Variants in ABHD3 observed in about 807,000 individuals in gnomAD.
ABHD3 encodes the protein abhydrolase domain containing 3, phospholipase.
Under a neutral mutation model 48.8 loss-of-function variants are expected in ABHD3, and 46 were observed. That is an observed-to-expected ratio of 0.94 (90% CI 0.74 to 1.20). The LOEUF is 1.20. Among genes scored for constraint, ABHD3 ranks in the 50% most tolerant of loss-of-function variants. The pLI is 0.00. For synonymous variants in ABHD3, 192 were observed against 183.7 expected, an observed-to-expected ratio of 1.04 and a Z score of -0.36; for missense variants, 490 against 497.8, an observed-to-expected ratio of 0.98 and a Z score of 0.15.
intron 6 of ABHD3, among the ~76,000 whole-genome samples, chr18:21,658,516 C>G (rs2039407584): frequency 1.3e-5 from 2 of 152,112 alleles, no homozygotes; most frequent in Non-Finnish European, 2.9e-5. Context: ...CATTTTTAGT[C>G]TTTTAGAATA....
chr18:21,688,789 G>C (rs138398936), intron 3 of ABHD3, among the ~76,000 whole-genome samples: 2 of 152,244 alleles, frequency 1.3e-5, no homozygotes, highest in Non-Finnish European at 2.9e-5. Flanking sequence ...TCCAGCAAAA[G>C]GCAAGTGTGA....
intron 3 of ABHD3, among the ~76,000 whole-genome samples, chr18:21,689,394 CA>C (rs1434898090): frequency 1.3e-5 from 2 of 151,474 alleles, no homozygotes; most frequent in Non-Finnish European, 2.9e-5. Context: ...ACTAAAAATA[CA>C]AAAATTAGCC....
chr18:21,698,198 T>C (rs1173020866), intron 3 of ABHD3, among the ~76,000 whole-genome samples: 1 of 152,148 alleles, frequency 6.6e-6, no homozygotes, highest in Non-Finnish European at 1.5e-5. Flanking sequence ...TTTCTTTTTT[T>C]TTTTTGAGAT....
At chr18:21,660,347 T>C (rs992552102) in intron 5 of ABHD3, among the ~76,000 whole-genome samples, 3 of 151,918 alleles carry the variant, frequency 2.0e-5, no homozygotes, top group African/African-American at 4.8e-5. Context: ...TAGTCTAGAC[T>C]TTCTGAGTTG....
chr18:21,693,536 T>G (rs552320616), intron 3 of ABHD3, among the ~76,000 whole-genome samples: 29 of 152,286 alleles, frequency 1.9e-4, no homozygotes, highest in African/African-American at 6.7e-4. Flanking sequence ...GCATGCCAAC[T>G]CTGATAAAAA....
At position 21,677,632 on chromosome 18, in the gene ABHD3, T is replaced by C. The variant is rs1004158941; in HGVS notation, c.555+6288A>G. 3.3e-5 allele frequency among the ~76,000 whole-genome samples: 5 copies of C among 152,296 alleles called. No homozygotes were observed. In the East Asian group the frequency reaches 9.7e-4, roughly 29 times the overall value. On this transcript the variant is annotated intron_variant, in intron 4 of 8. Transcript: ENST00000289119. The stretch of plus-strand genomic sequence containing the variant: ...TTTTGGCTATTATGAATAATGTTGC[T>C]GTAAATATTTATGTACAGGTTTTTT...
intron 3 of ABHD3, among the ~76,000 whole-genome samples, chr18:21,686,459 AGTGAC>A (rs770142145): frequency 1.3e-5 from 2 of 152,242 alleles, no homozygotes; most frequent in Non-Finnish European, 2.9e-5. Context: ...CAAGAACACT[AGTGAC>A]GGGAAAGAAA....
chr18:21,675,262 GTTTTT>G (rs61119109), intron 4 of ABHD3, among the ~76,000 whole-genome samples: 41 of 85,490 alleles, frequency 4.8e-4, no homozygotes, highest in African/African-American at 1.8e-3. Context: ...AATGAGGTGG[GTTTTT>G]TTTTTTTTTT....
At chr18:21,670,642 T>C (rs187865396) in intron 4 of ABHD3, among the ~76,000 whole-genome samples, 1 of 152,296 alleles carries the variant, frequency 6.6e-6, no homozygotes, top group East Asian at 1.9e-4. Flanking sequence ...GGCCCCTTAA[T>C]ATCCTTGCCA....
At chr18:21,676,376 A>C (rs184802383) in intron 4 of ABHD3, among the ~76,000 whole-genome samples, 2 of 152,232 alleles carry the variant, frequency 1.3e-5, no homozygotes, top group Non-Finnish European at 2.9e-5. Flanking sequence ...AAATACATAA[A>C]ATTTTTGTCC....
chr18:21,656,382 A>T (rs1166229455), intron 8 of ABHD3, among the ~76,000 whole-genome samples: 2 of 152,114 alleles, frequency 1.3e-5, no homozygotes, highest in Non-Finnish European at 2.9e-5. Flanking sequence ...AAAGGAAAGG[A>T]TGTTTCTCTT....
chr18:21,653,301 T>C (rs2039270612), intron 8 of ABHD3, among the ~76,000 whole-genome samples: 2 of 151,602 alleles, frequency 1.3e-5, no homozygotes, highest in South Asian at 4.2e-4. Context: ...CACTCCAGCC[T>C]GGTGACAGAG....
intron 4 of ABHD3, among the ~76,000 whole-genome samples, chr18:21,667,339 G>C (rs1598522640): frequency 6.7e-6 from 1 of 148,498 alleles, no homozygotes; most frequent in African/African-American, 2.5e-5. Flanking sequence ...CCGCCTCCCA[G>C]GTTCAAACAA....
rs183645666 is a variant in ABHD3 at position 21,703,125 on chromosome 18, T to C, written c.326+459A>G. Among the ~76,000 whole-genome samples the C allele has an allele frequency of 3.4e-3, 510 of 151,920 alleles. 6 individuals are homozygous for C. Among genetic ancestry groups the C allele is most frequent in the African/African-American group, 0.012 (494 of 41,422 alleles). ...CGTATCTTTAACACATCAAGAGCTA[T>C]TATCATCAAGATCCCATTTGCCTGT... On this transcript the variant is annotated intron_variant, in intron 2 of 8. Transcript: ENST00000289119.
At chr18:21,695,135 C>T (rs2040341134) in intron 3 of ABHD3, among the ~76,000 whole-genome samples, 1 of 152,104 alleles carries the variant, frequency 6.6e-6, no homozygotes, top group Non-Finnish European at 1.5e-5. Flanking sequence ...TGGGTTCAAG[C>T]GATTCTCCTG....
chr18:21,702,518 A>G lies in ABHD3; in HGVS notation c.327-20T>C, dbSNP rs192985876. 283 of 1,532,362 alleles carry G rather than the reference A, an allele frequency of 1.8e-4. No individual in the cohort carries two copies. In the African/African-American group the frequency reaches 3.6e-3, roughly 20 times the overall value. The allele number at this position is 1,532,362 out of a possible 1,614,324, so 94.9% of individuals were successfully genotyped here. ...AGTTCACTGAAAGGAATAATTCAGA[A>G]GACATTACTATTTACATGTTTTAAG... On this transcript the variant is annotated intron_variant, in intron 2 of 8. Coordinates refer to ENST00000289119, the MANE Select transcript of ABHD3 (RefSeq NM_138340.5).
Position 21,657,090 on chromosome 18 carries a change from A to T in ABHD3, c.891+14T>A, listed in dbSNP as rs745328276. 6.2e-7 allele frequency: 1 copy of T among 1,613,898 alleles called. No homozygotes were observed. Among genetic ancestry groups the T allele is most frequent in the South Asian group, 1.1e-5 (1 of 91,076 alleles). ...AAGAAGAAATAAAAGTATTACATAA[A>T]GTTTCTCTCCTACCTTCATGACATG... On this transcript the variant is annotated intron_variant, in intron 7 of 8. Transcript: ENST00000289119.
intron 8 of ABHD3, among the ~76,000 whole-genome samples, chr18:21,652,678 G>C (rs1212701560): frequency 1.3e-5 from 2 of 151,768 alleles, no homozygotes; most frequent in Non-Finnish European, 2.9e-5. Flanking sequence ...GGGAGGCTGA[G>C]GCAGGAGAAT....
At chr18:21,703,093 C>T (rs2040548024) in intron 2 of ABHD3, among the ~76,000 whole-genome samples, 1 of 151,998 alleles carries the variant, frequency 6.6e-6, no homozygotes, top group Admixed American at 6.6e-5. Context: ...CCTGATAAAT[C>T]CTGGACCGTA....
Sources: gnomAD v4.1 joint callset for allele counts (sites outside exome capture counted in the v4.1 genomes callset) on GRCh38, gnomAD v4.1.1 for gene constraint, MANE v1.5 for transcripts, NCBI Gene and HGNC (gene_info 2026-07-23, HGNC 2026-07-21) for gene names.